The following XXYLT1 variants were observed in gnomAD, a reference collection of about 807,000 sequenced individuals.
XXYLT1 encodes xyloside xylosyltransferase 1.
In XXYLT1, 20 loss-of-function variants were observed where a neutral mutation model predicts 28.9. That is an observed-to-expected ratio of 0.69 (90% CI 0.49 to 1.00). The LOEUF is 1.00. Among genes scored for constraint, XXYLT1 ranks in the 50% least tolerant of loss-of-function variants. XXYLT1 has a pLI of 0.00. For missense variants in XXYLT1, 542 were observed against 560.1 expected, an observed-to-expected ratio of 0.97 and a Z score of 0.33; for synonymous variants, 257 against 253.8, an observed-to-expected ratio of 1.01 and a Z score of -0.12.
In XXYLT1 at chr3:195,125,068, C is replaced by T. The variant is rs1365712155; in HGVS notation, c.785+31381G>A. Among the ~76,000 whole-genome samples the T allele has an allele frequency of 3.3e-5, 5 of 152,052 alleles. No individual in the cohort carries two copies. The East Asian group carries it at 9.6e-4, about 29-fold the overall frequency. On this transcript the variant is annotated intron_variant, in intron 3 of 3. Transcript: ENST00000310380. The stretch of plus-strand genomic sequence containing the variant: ...GAGAAAAAAATGAAAGGCTTGATCC[C>T]CGCCCTCAAGAAGCTGATAGAAAAA...
intron 3 of XXYLT1, among the ~76,000 whole-genome samples, chr3:195,138,566 G>A (rs531200767): frequency 6.6e-6 from 1 of 152,174 alleles, no homozygotes; most frequent in Admixed American, 6.5e-5. Context: ...ATATAGAAAA[G>A]TGGGCTGGAG....
intron 3 of XXYLT1, among the ~76,000 whole-genome samples, chr3:195,083,365 T>C (rs1715546424): frequency 6.6e-6 from 1 of 152,178 alleles, no homozygotes; most frequent in African/African-American, 2.4e-5. Flanking sequence ...GCTGGAGTCC[T>C]CAGGAAACTT....
At chr3:195,250,374 C>T (rs1725202446) in intron 1 of XXYLT1, among the ~76,000 whole-genome samples, 2 of 152,148 alleles carry the variant, frequency 1.3e-5, no homozygotes, top group Admixed American at 1.3e-4. Context: ...ACTAGCCTGG[C>T]CAACGTGGTG....
intron 1 of XXYLT1, among the ~76,000 whole-genome samples, chr3:195,229,664 T>C (rs1487194301): frequency 6.6e-6 from 1 of 152,266 alleles, no homozygotes; most frequent in Non-Finnish European, 1.5e-5. Flanking sequence ...GCCTGGCTTA[T>C]GCCACTTAAC....
At chr3:195,166,156 G>T (rs1172838164) in intron 2 of XXYLT1, among the ~76,000 whole-genome samples, 1 of 151,786 alleles carries the variant, frequency 6.6e-6, no homozygotes, top group African/African-American at 2.4e-5. Flanking sequence ...TCACCACCAA[G>T]AAACCCCCTT....
Position 195,076,324 on chromosome 3 carries a change from A to G in XXYLT1, c.786-6213T>C, listed in dbSNP as rs542786278. 6.9e-6 allele frequency among the ~76,000 whole-genome samples: 1 copy of G among 144,296 alleles called. No homozygotes were observed. Among genetic ancestry groups the G allele is most frequent in the South Asian group, 2.5e-4 (1 of 4,020 alleles). 94.7% of individuals were successfully genotyped at this position (144,296 alleles called of 152,430 possible). On this transcript the variant is annotated intron_variant, in intron 3 of 3. Transcript: ENST00000310380. The surrounding 1 kb of genome is among the most constrained non-coding windows in gnomAD (Gnocchi z 5.3). ...CCGTTCCAGAGAGGAAGAAGCCCGC[A>G]CGGGGTCACGGGGCCGACTGCGGCA... is the stretch of plus-strand genomic sequence containing the variant.
At chr3:195,179,457 A>G (rs1404434473) in intron 2 of XXYLT1, among the ~76,000 whole-genome samples, 6 of 152,138 alleles carry the variant, frequency 3.9e-5, no homozygotes, top group African/African-American at 1.4e-4. Flanking sequence ...TAAAAACTGC[A>G]GTGTTCAATA....
At position 195,223,896 on chromosome 3, in the gene XXYLT1, C is replaced by T. The variant is rs553718727; in HGVS notation, c.652+2813G>A. 7.2e-5 allele frequency among the ~76,000 whole-genome samples: 11 copies of T among 152,326 alleles called. No homozygotes were observed. The East Asian group carries it at 2.1e-3, about 29-fold the overall frequency. On this transcript the variant is annotated intron_variant, in intron 2 of 3. Transcript: ENST00000310380. ...TTGCTGCCGGGCGCGGTGGCTCATG[C>T]CTGTAATCCCAGCACTTTGGGAGGC...
intron 3 of XXYLT1, among the ~76,000 whole-genome samples, chr3:195,121,102 C>T (rs1044758168): frequency 2.6e-5 from 4 of 152,224 alleles, no homozygotes; most frequent in Admixed American, 6.5e-5. Flanking sequence ...CCCAAACACC[C>T]GGGAACCACA....
chr3:195,179,340 CA>C lies in XXYLT1; in HGVS notation c.653-22760del, dbSNP rs1186873074. Among the ~76,000 whole-genome samples, 683 of 80,436 alleles carry C rather than the reference CA, an allele frequency of 8.5e-3. 5 individuals carry two copies. The highest frequency in any genetic ancestry group is 0.028 in the African/African-American group (628 of 22,132). 52.8% of individuals were successfully genotyped at this position (80,436 alleles called of 152,430 possible). A position where few individuals can be genotyped will look rare whatever the true frequency, so the allele number is the denominator to read the frequency against. On this transcript the variant is annotated intron_variant, in intron 2 of 3. Transcript: ENST00000310380. ...GGGCGACAAGAGTGAGACACCGTCT[CA>C]AAAAAAAAAAGAAAAAAAAAAAAAG... is the stretch of plus-strand genomic sequence containing the variant.
chr3:195,211,343 A>C (rs962167312), intron 2 of XXYLT1, among the ~76,000 whole-genome samples: 1 of 152,210 alleles, frequency 6.6e-6, no homozygotes, highest in Non-Finnish European at 1.5e-5. Flanking sequence ...CAGTGAGCCA[A>C]GATCGAGCCT....
chr3:195,163,699 C>T (rs118169426), intron 2 of XXYLT1, among the ~76,000 whole-genome samples: 1 of 152,346 alleles, frequency 6.6e-6, no homozygotes, highest in East Asian at 1.9e-4. Flanking sequence ...ACAGTTTCAA[C>T]ACAGAGAAGA....
chr3:195,226,550 G>A (rs1457790165), intron 2 of XXYLT1, among the ~76,000 whole-genome samples, 159 bp downstream of exon 2: 1 of 143,308 alleles, frequency 7.0e-6, no homozygotes, highest in East Asian at 2.1e-4. Context: ...GGTGTAGGAA[G>A]CTCGGTGGTA....
At chr3:195,198,369 C>T (rs1376626810) in intron 2 of XXYLT1, among the ~76,000 whole-genome samples, 1 of 152,162 alleles carries the variant, frequency 6.6e-6, no homozygotes, top group Non-Finnish European at 1.5e-5. Flanking sequence ...AAGAGTCAGT[C>T]AGGAACAAGT....
intron 2 of XXYLT1, among the ~76,000 whole-genome samples, chr3:195,160,004 C>T (rs552252932): frequency 6.6e-6 from 1 of 152,166 alleles, no homozygotes; most frequent in East Asian, 1.9e-4. Flanking sequence ...ATTAAACCAG[C>T]CACAAGCATG....
Position 195,176,526 on chromosome 3 carries a change from C to A in XXYLT1, c.653-19945G>T, listed in dbSNP as rs528470080. Among the ~76,000 whole-genome samples the A allele has an allele frequency of 3.9e-5, 6 of 152,146 alleles. No homozygotes were observed. The highest frequency in any genetic ancestry group is 4.4e-5 in the Non-Finnish European group (3 of 68,030). ...TTCAAACACAACAATCTTGCTTGTG[C>A]GCCATCAGTACGTTCCACCCCTCTG... On this transcript the variant is annotated intron_variant, in intron 2 of 3. Transcript: ENST00000310380. This position sits in a 1 kb window ranked among gnomAD's most constrained non-coding sequence, Gnocchi z 4.9.
At position 195,255,899 on chromosome 3, in the gene XXYLT1, G is replaced by C. The variant is rs1312365999; in HGVS notation, c.504+14656C>G. Among the ~76,000 whole-genome samples, 2 of 152,190 alleles carry C rather than the reference G, an allele frequency of 1.3e-5. No individual in the cohort carries two copies. Among genetic ancestry groups the C allele is most frequent in the Admixed American group, 1.3e-4 (2 of 15,278 alleles). ...AGGTGGGGCTCCAACATCTCAGCCT[G>C]TAAATCCCACCTCCTAGAAAGAGGC... On this transcript the variant is annotated intron_variant, in intron 1 of 3. Coordinates refer to ENST00000310380, the MANE Select transcript of XXYLT1 (RefSeq NM_152531.5). This position sits in a 1 kb window ranked among gnomAD's most constrained non-coding sequence, Gnocchi z 4.5.
chr3:195,191,349 A>T (rs941995618), intron 2 of XXYLT1, among the ~76,000 whole-genome samples: 4 of 152,176 alleles, frequency 2.6e-5, no homozygotes, highest in African/African-American at 9.7e-5. Flanking sequence ...GATCTTTATG[A>T]TGATCTGCTT....
intron 3 of XXYLT1, among the ~76,000 whole-genome samples, chr3:195,094,847 C>T (rs1560091055): frequency 6.6e-6 from 1 of 152,240 alleles, no homozygotes; most frequent in Non-Finnish European, 1.5e-5. Context: ...CCACCACGCA[C>T]CTGTTCTGTG....
Sources: allele counts gnomAD v4.1 joint callset (sites outside exome capture counted in the v4.1 genomes callset), GRCh38; gene constraint gnomAD v4.1.1; non-coding constraint Gnocchi (gnomAD v3.1); transcripts MANE v1.5; gene names NCBI Gene and HGNC (gene_info 2026-07-23, HGNC 2026-07-21).